Variants in USP32 observed in about 807,000 individuals in gnomAD.
The protein encoded by USP32 is ubiquitin carboxyl-terminal hydrolase 32.
In USP32, 59 loss-of-function variants were observed where a neutral mutation model predicts 204.8. The observed-to-expected ratio is 0.29, with a 90% CI of 0.23 to 0.36. The LOEUF is 0.36. USP32 is among the 10% of genes least tolerant of loss of function. The probability of loss-of-function intolerance (pLI) is 1.00; values close to 1 mark genes in which losing one functional copy is unlikely to be tolerated. For missense variants in USP32, 1,160 were observed against 1,946.4 expected, an observed-to-expected ratio of 0.60 and a Z score of 7.60; for synonymous variants, 517 against 678.4, an observed-to-expected ratio of 0.76 and a Z score of 3.70.
rs2084032906 is a variant in USP32, at chr17:60,178,985, C to T, written c.*270G>A. ...AGCACAATTGAATTCTTATTTGGTC[C>T]CAGGTGGCTGGTGCCAAACCTTTTG... On this transcript the variant is annotated 3_prime_UTR_variant, in exon 34 of 34. Coordinates refer to ENST00000300896, the MANE Select transcript of USP32 (RefSeq NM_032582.4). 2 of 358,602 alleles carry T rather than the reference C, an allele frequency of 5.6e-6. No homozygotes were observed. The highest frequency in any genetic ancestry group is 1.2e-4 in the South Asian group (2 of 17,084). The allele number at this position is 358,602 out of a possible 1,614,324, so 22.2% of individuals were successfully genotyped here. A position where few individuals can be genotyped will look rare whatever the true frequency, so the allele number is the denominator to read the frequency against.
chr17:60,368,525 G>T (rs73320777), intron 1 of USP32, among the ~76,000 whole-genome samples: 1 of 151,934 alleles, frequency 6.6e-6, no homozygotes, highest in Non-Finnish European at 1.5e-5. Flanking sequence ...ATTGCGGTTG[G>T]GGGGCGGGGG....
chr17:60,263,540 T>C (rs1184847839), intron 9 of USP32, among the ~76,000 whole-genome samples: 1 of 152,244 alleles, frequency 6.6e-6, no homozygotes, highest in African/African-American at 2.4e-5. Flanking sequence ...CTAAATGATC[T>C]TGTTTAATGT....
chr17:60,328,698 G>A (rs2088303912), intron 2 of USP32, among the ~76,000 whole-genome samples: 1 of 152,224 alleles, frequency 6.6e-6, no homozygotes, highest in Non-Finnish European at 1.5e-5. Flanking sequence ...CCCTGAGCCA[G>A]GGCTATGAGT....
intron 1 of USP32, among the ~76,000 whole-genome samples, chr17:60,400,380 T>C (rs572125936): frequency 1.3e-5 from 2 of 152,290 alleles, no homozygotes; most frequent in South Asian, 4.1e-4. Flanking sequence ...ACTGCATTAA[T>C]CCAGGCGTGA....
intron 1 of USP32, among the ~76,000 whole-genome samples, chr17:60,364,655 C>T (rs2089279082): frequency 1.3e-5 from 2 of 152,134 alleles, no homozygotes; most frequent in South Asian, 4.1e-4. Flanking sequence ...GGATTATGGG[C>T]GAGAGCCACC....
chr17:60,300,946 T>C (rs1364324755), intron 3 of USP32, among the ~76,000 whole-genome samples: 1 of 152,228 alleles, frequency 6.6e-6, no homozygotes, highest in Admixed American at 6.5e-5. Context: ...AATCATAATA[T>C]ATGGCCTATT....
At chr17:60,392,599 G>A (rs1011009481), upstream of USP32, 2 of 448,466 alleles carry the variant, frequency 4.5e-6, no homozygotes, top group African/African-American at 2.0e-5. Flanking sequence ...TTAGGGAATG[G>A]GGTTCTGAGG....
At chr17:60,254,233 A>G (rs905069696) in intron 10 of USP32, among the ~76,000 whole-genome samples, 3 of 152,244 alleles carry the variant, frequency 2.0e-5, no homozygotes, top group African/African-American at 7.2e-5. Flanking sequence ...GAGCGAGGGA[A>G]TTAGTTTAAC....
At chr17:60,297,435 GT>G (rs2087459834) in intron 3 of USP32, among the ~76,000 whole-genome samples, 1 of 147,290 alleles carries the variant, frequency 6.8e-6, no homozygotes, top group Non-Finnish European at 1.5e-5. Flanking sequence ...CTGCTACAAT[GT>G]TTTTCCTTTT....
At chr17:60,296,932 C>T (rs2087444856) in intron 3 of USP32, among the ~76,000 whole-genome samples, 1 of 152,160 alleles carries the variant, frequency 6.6e-6, no homozygotes, top group South Asian at 2.1e-4. Context: ...GATGGGCAGT[C>T]AGACACATCT....
chr17:60,180,808 AC>A (rs1388135025), intron 32 of USP32, among the ~76,000 whole-genome samples, 171 bp from the exon 33 acceptor site: 1 of 152,064 alleles, frequency 6.6e-6, no homozygotes, highest in Non-Finnish European at 1.5e-5. Context: ...AAAGCAAAAT[AC>A]AAAAGTCATA....
intron 2 of USP32, among the ~76,000 whole-genome samples, chr17:60,301,977 T>A (rs1434258498): frequency 2.0e-5 from 3 of 152,144 alleles, no homozygotes; most frequent in Non-Finnish European, 4.4e-5. Flanking sequence ...ACACATTCAG[T>A]AGAAACCATA....
At chr17:60,206,106 C>T (rs2084818661) in intron 25 of USP32, among the ~76,000 whole-genome samples, 1 of 150,752 alleles carries the variant, frequency 6.6e-6, no homozygotes, top group South Asian at 2.1e-4. Context: ...ATCCCTTGAA[C>T]CCAGGAGCTA....
chr17:60,392,342 G>A (rs2089856354), upstream of USP32: 1 of 282,988 alleles, frequency 3.5e-6, no homozygotes, highest in Non-Finnish European at 6.9e-6. Context: ...AGCTAACCGC[G>A]CGCAGGAGCG....
chr17:60,361,036 G>A (rs2089196130), intron 1 of USP32, among the ~76,000 whole-genome samples: 1 of 151,806 alleles, frequency 6.6e-6, no homozygotes, highest in African/African-American at 2.4e-5. Context: ...GACTGAGGCA[G>A]GAAAATTGCT....
In USP32 at chr17:60,304,688, TA is replaced by T. The variant is rs547626781; in HGVS notation, c.187-2985del. ...GAAGTATACTGTTGTATAGTACACA[TA>T]AATGTTGTCTATACACCATTAAATG... is the stretch of plus-strand genomic sequence containing the variant. On this transcript the variant is annotated intron_variant, in intron 2 of 33. Coordinates refer to ENST00000300896, the MANE Select transcript of USP32 (RefSeq NM_032582.4). Among the ~76,000 whole-genome samples, 472 of 152,310 alleles carry T rather than the reference TA, an allele frequency of 3.1e-3. 3 individuals carry two copies. The highest frequency in any genetic ancestry group is 5.3e-3 in the Non-Finnish European group (362 of 68,018).
Position 60,392,056 on chromosome 17 carries a change from TC to T in USP32, c.-118del, listed in dbSNP as rs2089848726. 5 of 1,014,860 alleles carry T rather than the reference TC, an allele frequency of 4.9e-6. No individual in the cohort carries two copies. Among genetic ancestry groups the T allele is most frequent in the Non-Finnish European group, 5.2e-6 (4 of 769,844 alleles). 62.9% of individuals were successfully genotyped at this position (1,014,860 alleles called of 1,614,324 possible). A position where few individuals can be genotyped will look rare whatever the true frequency, so the allele number is the denominator to read the frequency against. ...GGTGTCGGCGTCCCCCGCCCCCACC[TC>T]CCCCCACACTAACAAGTGCGGCTTC... is the stretch of plus-strand genomic sequence containing the variant. On this transcript the variant is annotated 5_prime_UTR_variant, in exon 1 of 34. Transcript: ENST00000300896.
At chr17:60,269,981 G>A (rs73993218) in intron 6 of USP32, among the ~76,000 whole-genome samples, 1 of 151,992 alleles carries the variant, frequency 6.6e-6, no homozygotes, top group African/African-American at 2.4e-5. Context: ...GATACACTAT[G>A]GTATCATTAA....
Position 60,183,168 on chromosome 17 carries a change from T to G in USP32, c.4120A>C (p.Lys1374Gln). 1 of 1,607,812 alleles carries G rather than the reference T, an allele frequency of 6.2e-7. No homozygotes were observed. The highest frequency in any genetic ancestry group is 8.5e-7 in the Non-Finnish European group (1 of 1,176,420). Residue 1374 changes from lysine to glutamine, a missense_variant, in exon 31 of 34, where the codon AAA becomes CAA. Around this residue, in one of 8 missense-constraint regions of USP32, gnomAD observed 244 missense variants for 342.3 expected, o/e 0.71. Transcript: ENST00000300896. ...GCATAAGGCCCCCAGGCCTCACCTT[T>G]CGGGCTGCTGATGATGTTAGCGCTG... ...SLSANIISSP[K>Q]GSPSSSRKSG... is the part of the protein sequence containing the mutation.
Sources: gnomAD v4.1 joint callset for allele counts (sites outside exome capture counted in the v4.1 genomes callset) on GRCh38, gnomAD v4.1.1 for gene constraint, gnomAD v4.1.1 regional missense constraint, MANE v1.5 for transcripts, NCBI Gene and HGNC (gene_info 2026-07-23, HGNC 2026-07-21) for gene names.